The following OTC variants were observed in gnomAD, a reference collection of about 807,000 sequenced individuals.
OTC encodes ornithine transcarbamylase, also known as ornithine transcarbamylase, mitochondrial.
In OTC, 3 loss-of-function variants were observed where a neutral mutation model predicts 30.3. The observed-to-expected ratio is 0.10, with a 90% CI of 0.05 to 0.26. The LOEUF (loss-of-function observed/expected upper bound fraction) is 0.26, where lower values mean the gene tolerates loss of function less well. Ranked by LOEUF, OTC falls within the 10% of genes least tolerant of loss-of-function variation. The probability of loss-of-function intolerance (pLI) is 1.00; values close to 1 mark genes in which losing one functional copy is unlikely to be tolerated. For missense variants in OTC, 194 were observed against 260.3 expected (o/e 0.75, Z 1.75); for synonymous variants, 111 against 99.7 (o/e 1.11, Z -0.67).
At chrX:38,364,711 C>T (rs1294675240) in intron 1 of OTC, among the ~76,000 whole-genome samples, 2 of 109,479 alleles carry the variant, frequency 1.8e-5, no homozygotes, top group Non-Finnish European at 3.8e-5. Flanking sequence ...AGAATTGCTT[C>T]AACCCAGGAG....
upstream of OTC, among the ~76,000 whole-genome samples, chrX:38,351,161 T>G (rs1442345166): frequency 1.8e-5 from 2 of 112,178 alleles, no homozygotes; most frequent in Non-Finnish European, 3.8e-5. Context: ...CCCCTCACTT[T>G]ATCTCACATC....
At chrX:38,331,360 TCTC>T in the OTC span, among the ~76,000 whole-genome samples, 1 of 91,031 alleles carries the variant, frequency 1.1e-5, no homozygotes, top group Non-Finnish European at 2.2e-5. Flanking sequence ...TTCAAGCAAT[TCTC>T]CTGCCTCAGC....
At chrX:38,368,889 T>A (rs943133979) in intron 2 of OTC, among the ~76,000 whole-genome samples, 6 of 107,712 alleles carry the variant, frequency 5.6e-5, no homozygotes, top group African/African-American at 2.0e-4. Context: ...AGGAATCTAT[T>A]TGTTCCAGAA....
chrX:38,367,581 A>G (rs2068303280), intron 2 of OTC, 152 bp downstream of exon 2: 2 of 489,138 alleles, frequency 4.1e-6, no homozygotes, highest in East Asian at 3.7e-5. Flanking sequence ...ATTATCATGG[A>G]GCATACAGGC....
chrX:38,335,222 C>G, the OTC span, among the ~76,000 whole-genome samples: 1 of 112,167 alleles, frequency 8.9e-6, no homozygotes, highest in African/African-American at 3.2e-5. Flanking sequence ...TCTGGGCAAG[C>G]TGCTTACTCT....
chrX:38,365,658 C>G (rs1186916271), intron 1 of OTC, among the ~76,000 whole-genome samples: 1 of 112,288 alleles, frequency 8.9e-6, no homozygotes, highest in African/African-American at 3.2e-5. Context: ...CACTTCAAGC[C>G]CAACAAAATG....
Position 38,369,952 on chromosome X carries a change from T to C in OTC, c.298+75T>C, listed in dbSNP as rs2068315951. 12 of 665,646 alleles carry C rather than the reference T, an allele frequency of 1.8e-5. No individual in the cohort carries two copies. In the South Asian group the frequency reaches 2.7e-4, roughly 15 times the overall value. 54.9% of individuals were successfully genotyped at this position (665,646 alleles called of 1,213,427 possible). ...TGAAGACTTTGGAGGGGTAACCCAG[T>C]GCGGGGATTTGTCTGCCTCTAGCAA... is the stretch of plus-strand genomic sequence containing the variant. On this transcript the variant is annotated intron_variant, in intron 3 of 9. Transcript: ENST00000039007.
intron 8 of OTC, 29 bp from the exon 9 acceptor site, chrX:38,411,833 A>C (rs1312539618): frequency 1.0e-5 from 12 of 1,202,640 alleles, no homozygotes. Context: ...TATAATAGTC[A>C]AAAAGTGGTC....
intron 6 of OTC, among the ~76,000 whole-genome samples, chrX:38,405,611 A>C (rs2068511904): frequency 9.0e-6 from 1 of 111,586 alleles, no homozygotes; most frequent in Admixed American, 9.5e-5. Context: ...GTGAATTTTG[A>C]AGAACACTAT....
chrX:38,379,856 C>T (rs2068367389), intron 3 of OTC, among the ~76,000 whole-genome samples: 1 of 111,073 alleles, frequency 9.0e-6, no homozygotes, highest in Non-Finnish European at 1.9e-5. Context: ...GTCTCGATTT[C>T]CTGACCTCGT....
chrX:38,342,268 G>A, the OTC span, among the ~76,000 whole-genome samples: 3 of 109,967 alleles, frequency 2.7e-5, no homozygotes, highest in Admixed American at 9.7e-5. Flanking sequence ...TGATCCGCCC[G>A]CCTCAAAGTG....
At position 38,373,306 on chromosome X, in the gene OTC, C is replaced by A. The variant is rs746109295; in HGVS notation, c.298+3429C>A. 2.7e-5 allele frequency among the ~76,000 whole-genome samples: 3 copies of A among 112,056 alleles called. No individual in the cohort carries two copies. In the Admixed American group the frequency reaches 2.8e-4, roughly 11 times the overall value. ...TATATTAATGGGATCATTCAGCATGCGCTCTTTTGTGTCTGACTTCGTTCG... is the reference window on the plus strand; with the variant it reads ...TATATTAATGGGATCATTCAGCATGAGCTCTTTTGTGTCTGACTTCGTTCG... On this transcript the variant is annotated intron_variant, in intron 3 of 9. Coordinates refer to ENST00000039007, the MANE Select transcript of OTC (RefSeq NM_000531.6).
chrX:38,366,034 C>G (rs1346055377), intron 1 of OTC, among the ~76,000 whole-genome samples: 1 of 111,645 alleles, frequency 9.0e-6, no homozygotes, highest in Non-Finnish European at 1.9e-5. Flanking sequence ...AAAGGACCTC[C>G]AAAAACACAT....
rs1189691169 is a variant in OTC at position 38,389,274 on chromosome X, C to T, written c.386+7845C>T. Reference sequence around the variant, plus strand: ...CCACTATAACCACATATCCACATGTCCCTATGACACCATAAAAGGGGTTTC... The same window carrying T: ...CCACTATAACCACATATCCACATGTTCCTATGACACCATAAAAGGGGTTTC... On this transcript the variant is annotated intron_variant, in intron 4 of 9. Coordinates refer to ENST00000039007, the MANE Select transcript of OTC (RefSeq NM_000531.6). Among the ~76,000 whole-genome samples, 11 of 111,400 alleles carry T rather than the reference C, an allele frequency of 9.9e-5. No individual in the cohort carries two copies. In the Admixed American group the frequency reaches 1.1e-3, roughly 11 times the overall value.
downstream of OTC, among the ~76,000 whole-genome samples, chrX:38,422,081 TG>T (rs1366490289): frequency 8.9e-6 from 1 of 112,171 alleles, no homozygotes; most frequent in Non-Finnish European, 1.9e-5. Flanking sequence ...ATAACATAAG[TG>T]AAGTTTTTTT....
chrX:38,392,422 G>A (rs887723681), intron 4 of OTC, among the ~76,000 whole-genome samples: 1 of 111,877 alleles, frequency 8.9e-6, no homozygotes, highest in African/African-American at 3.2e-5. Context: ...AATGTTTAAA[G>A]CTGGGGTTTT....
chrX:38,395,486 C>A, intron 4 of OTC: 1 of 122,981 alleles, frequency 8.1e-6, no homozygotes. Context: ...GCCATCACAA[C>A]CAGGTAGAAA....
intron 9 of OTC, among the ~76,000 whole-genome samples, chrX:38,419,049 C>T (rs1373181912): frequency 9.0e-6 from 1 of 111,448 alleles, no homozygotes; most frequent in Admixed American, 9.6e-5. Context: ...TATTTTTCTG[C>T]ATGTGGATAT....
chrX:38,330,964 C>G, the OTC span, among the ~76,000 whole-genome samples: 1 of 111,867 alleles, frequency 8.9e-6, no homozygotes, highest in Non-Finnish European at 1.9e-5. Context: ...AGCACTATGT[C>G]TGGTACATAG....
Sources: allele counts gnomAD v4.1 joint callset (sites outside exome capture counted in the v4.1 genomes callset), GRCh38; gene constraint gnomAD v4.1.1; transcripts MANE v1.5; gene names NCBI Gene and HGNC (gene_info 2026-07-23, HGNC 2026-07-21).